The following PTK2B variants were observed in gnomAD, a reference collection of about 807,000 sequenced individuals.
PTK2B encodes the protein protein tyrosine kinase 2 beta, also known as protein-tyrosine kinase 2-beta.
A neutral mutation model predicts 142.9 loss-of-function variants in PTK2B; 71 were observed. That is an observed-to-expected ratio of 0.50 (90% CI 0.41 to 0.61). PTK2B has a LOEUF of 0.61. Among genes scored for constraint, PTK2B ranks in the 20% least tolerant of loss-of-function variants. The pLI is 0.00. For synonymous variants in PTK2B, 519 were observed against 503.4 expected (o/e 1.03, Z -0.42); for missense variants, 1,105 against 1,320.4 (o/e 0.84, Z 2.53).
chr8:27,432,016 A>C, intron 9 of PTK2B: 1 of 416,250 alleles, frequency 2.4e-6, no homozygotes. Flanking sequence ...ACCTTCATCA[A>C]GTAGTGTTAG....
intron 5 of PTK2B, among the ~76,000 whole-genome samples, chr8:27,429,739 TGCA>T: frequency 6.6e-6 from 1 of 152,310 alleles, no homozygotes; most frequent in Admixed American, 6.5e-5. Flanking sequence ...CCCCAGGACC[TGCA>T]GGTGAAGGTC....
intron 12 of PTK2B, 72 bp from the exon 13 acceptor site, chr8:27,434,441 G>A (rs367678475): frequency 5.6e-5 from 83 of 1,482,646 alleles, no homozygotes; most frequent in Admixed American, 1.2e-4. Flanking sequence ...AGGAGAGGGC[G>A]GGCCGAGGCT....
intron 2 of PTK2B, among the ~76,000 whole-genome samples, chr8:27,412,917 C>T (rs1249697752): frequency 6.6e-6 from 1 of 152,186 alleles, no homozygotes; most frequent in Non-Finnish European, 1.5e-5. Context: ...CCGTGTCTGG[C>T]CTGATACAAA....
intron 21 of PTK2B, 39 bp from the exon 22 acceptor site, chr8:27,442,836 G>A (rs1254976196): frequency 1.9e-6 from 3 of 1,564,056 alleles, no homozygotes; most frequent in Non-Finnish European, 8.8e-7. Context: ...GTCTCACTTT[G>A]ACCTAGTTTC....
intron 18 of PTK2B, among the ~76,000 whole-genome samples, chr8:27,438,270 T>A (rs1394430840): frequency 1.3e-5 from 2 of 152,102 alleles, no homozygotes; most frequent in Non-Finnish European, 2.9e-5. Context: ...AAGAAGATCC[T>A]GGGGTCCTAG....
chr8:27,437,794 C>A lies in PTK2B; in HGVS notation c.1557C>A (p.Asn519Lys). Residue 519 changes from asparagine (N) to lysine (K), a missense_variant, in exon 18 of 31, where the codon AAC (asparagine) becomes AAA (lysine). By Grantham distance (94) the Asn-to-Lys change is moderately conservative. Coordinates refer to ENST00000346049, the MANE Select transcript of PTK2B (RefSeq NM_173176.3). ...ELGHYLERNKNSLKVLTLVLY... is the reference protein window; with the variant it reads ...ELGHYLERNKKSLKVLTLVLY... The stretch of plus-strand genomic sequence containing the variant: ...GCCACTACCTGGAGCGGAACAAGAA[C>A]TCCCTGAAGGTGCTCACCCTCGTGC... 1 of 1,613,192 alleles carries A rather than the reference C, an allele frequency of 6.2e-7. No homozygotes were observed. Among genetic ancestry groups the A allele is most frequent in the South Asian group, 1.1e-5 (1 of 90,672 alleles).
chr8:27,422,364 C>T lies in PTK2B; in HGVS notation c.532C>T (p.Leu178=), dbSNP rs112665817. The change falls in exon 5 of 31, where the codon CTG becomes TTG. Residue 178 remains leucine (L), a synonymous_variant. Coordinates refer to ENST00000346049, the MANE Select transcript of PTK2B (RefSeq NM_173176.3). ...SKVSEGMALQ[L]GCLELRRFFK... The stretch of plus-strand genomic sequence containing the variant: ...GGTCAGCGAGGGCATGGCCCTGCAG[C>T]TGGGCTGCCTGGAGCTCAGGTATGT... 9.1e-4 allele frequency: 1,476 copies of T among 1,613,210 alleles called. 11 individuals are homozygous for T. The African/African-American group carries it at 0.013, about 15-fold the overall frequency.
intron 1 of PTK2B, among the ~76,000 whole-genome samples, chr8:27,367,745 C>T (rs1806107266): frequency 6.6e-6 from 1 of 152,194 alleles, no homozygotes; most frequent in Non-Finnish European, 1.5e-5. Context: ...GGAAGAGGAG[C>T]TGGCATCTCA....
rs1442358810 is a variant in PTK2B, at chr8:27,437,442, C to T, written c.1473C>T (p.Gly491=). Residue 491 remains glycine, a synonymous_variant, in exon 17 of 31, where the codon GGC becomes GGT. Transcript: ENST00000346049. Reference sequence around the variant, plus strand: ...ACCCGCACATCGTGAAGCTGATCGGCATCATTGAAGAGGAGCCCACCTGGA... The same window carrying T: ...ACCCGCACATCGTGAAGCTGATCGGTATCATTGAAGAGGAGCCCACCTGGA... ...LDHPHIVKLI[G]IIEEEPTWII... is the part of the protein sequence containing the mutation. 1 of 1,613,494 alleles carries T rather than the reference C, an allele frequency of 6.2e-7. No homozygotes were observed. The highest frequency in any genetic ancestry group is 1.7e-5 in the Admixed American group (1 of 59,888).
chr8:27,381,445 C>T (rs1807014627), intron 1 of PTK2B, among the ~76,000 whole-genome samples: 2 of 152,202 alleles, frequency 1.3e-5, no homozygotes, highest in South Asian at 4.1e-4. Context: ...ATTTCTCTTT[C>T]TGTGCCTGAC....
intron 2 of PTK2B, among the ~76,000 whole-genome samples, chr8:27,414,608 G>GTGTGTGTGTGTGTGTATGCGTGTGTGTT (rs140323992): frequency 2.0e-5 from 3 of 148,872 alleles, no homozygotes; most frequent in African/African-American, 7.4e-5. Context: ...CTCTCTCTCT[G>GTGTGTGTGTGTGTGTATGCGTGTGTGTT]TGTGTGTGTG....
intron 1 of PTK2B, among the ~76,000 whole-genome samples, chr8:27,370,054 T>C (rs1806256520): frequency 6.6e-6 from 1 of 152,236 alleles, no homozygotes; most frequent in Admixed American, 6.5e-5. Flanking sequence ...AACTGAGGTC[T>C]CCATTGAAGA....
chr8:27,454,518 T>A lies in PTK2B; in HGVS notation c.2734-13T>A, dbSNP rs772399893. The A allele has an allele frequency of 6.2e-7, 1 of 1,613,296 alleles. No individual in the cohort carries two copies. The highest frequency in any genetic ancestry group is 1.7e-5 in the Admixed American group (1 of 60,018). The stretch of plus-strand genomic sequence containing the variant: ...CTAGGAGTGGCGGCCATCCTGCCCC[T>A]TTCTCCCCCCAGAATGTGGGGCTGA... On this transcript the variant is annotated splice_polypyrimidine_tract_variant and intron_variant, in intron 29 of 30. Coordinates refer to ENST00000346049, the MANE Select transcript of PTK2B (RefSeq NM_173176.3).
chr8:27,321,551 T>G (rs1427268440), upstream of PTK2B, among the ~76,000 whole-genome samples: 2 of 152,172 alleles, frequency 1.3e-5, no homozygotes, highest in Non-Finnish European at 2.9e-5. Context: ...CTTAACATCA[T>G]AGACTGGATG....
chr8:27,316,061 G>A (rs577529656), intron 3 of PTK2B, among the ~76,000 whole-genome samples: 1 of 152,072 alleles, frequency 6.6e-6, no homozygotes, highest in Admixed American at 6.5e-5. Flanking sequence ...CTTATTCAGA[G>A]GTCCTTATTG....
intron 23 of PTK2B, 107 bp from the exon 24 acceptor site, chr8:27,445,687 C>A: frequency 6.7e-7 from 1 of 1,502,116 alleles, no homozygotes; most frequent in Non-Finnish European, 9.1e-7. Flanking sequence ...AAGCCCCATT[C>A]CCTGTGGTGC....
At chr8:27,424,000 G>A (rs1563274251) in intron 5 of PTK2B, among the ~76,000 whole-genome samples, 1 of 152,096 alleles carries the variant, frequency 6.6e-6, no homozygotes, top group South Asian at 2.1e-4. Context: ...CAGACCAGGG[G>A]CAGTCTGCAA....
chr8:27,315,506 T>TA (rs1207093325), intron 3 of PTK2B, among the ~76,000 whole-genome samples: 3 of 152,314 alleles, frequency 2.0e-5, no homozygotes, highest in East Asian at 1.9e-4. Flanking sequence ...CAGAGACTCT[T>TA]ACGTCGTCTC....
In PTK2B at chr8:27,420,581, C is replaced by T. The variant is rs541065070; in HGVS notation, c.384-76C>T. On this transcript the variant is annotated intron_variant, in intron 3 of 30. Coordinates refer to ENST00000346049, the MANE Select transcript of PTK2B (RefSeq NM_173176.3). Reference sequence around the variant, plus strand: ...TTTGCACTAGGGGATGGGCTTGCTTCTGCCCTTGGGGTCCTACTCCTTTCT... The same window carrying T: ...TTTGCACTAGGGGATGGGCTTGCTTTTGCCCTTGGGGTCCTACTCCTTTCT... 9.5e-4 allele frequency: 1,330 copies of T among 1,399,596 alleles called. 4 individuals are homozygous for T. Among genetic ancestry groups the T allele is most frequent in the Middle Eastern group, 1.7e-3 (9 of 5,406 alleles). The allele number at this position is 1,399,596 out of a possible 1,614,324, so 86.7% of individuals were successfully genotyped here. A position where few individuals can be genotyped will look rare whatever the true frequency, so the allele number is the denominator to read the frequency against.
Sources: allele counts gnomAD v4.1 joint callset (sites outside exome capture counted in the v4.1 genomes callset), GRCh38; gene constraint gnomAD v4.1.1; transcripts MANE v1.5; gene names NCBI Gene and HGNC (gene_info 2026-07-23, HGNC 2026-07-21).